The following CTNNA2 variants were observed in gnomAD, a reference collection of about 807,000 sequenced individuals.
CTNNA2 encodes the protein catenin alpha-2.
Under a neutral mutation model 101.0 loss-of-function variants are expected in CTNNA2, and 42 were observed. The ratio of observed to expected loss-of-function variants is 0.42; its 90% CI spans 0.32 to 0.54. The LOEUF (loss-of-function observed/expected upper bound fraction) is 0.54, where lower values mean the gene tolerates loss of function less well. Among genes scored for constraint, CTNNA2 ranks in the 20% least tolerant of loss-of-function variants. The pLI is 0.14. For synonymous variants in CTNNA2, 450 were observed against 456.4 expected, an observed-to-expected ratio of 0.99 and a Z score of 0.18; for missense variants, 871 against 1,223.1, an observed-to-expected ratio of 0.71 and a Z score of 4.29.
chr2:80,306,067 AT>A (rs1194878141), intron 7 of CTNNA2, among the ~76,000 whole-genome samples: 2 of 152,220 alleles, frequency 1.3e-5, no homozygotes, highest in African/African-American at 4.8e-5. Context: ...AGGCCAACCA[AT>A]GGAATCAAAG....
chr2:79,970,322 G>T (rs1306382435), intron 7 of CTNNA2, among the ~76,000 whole-genome samples: 3 of 152,158 alleles, frequency 2.0e-5, no homozygotes, highest in Admixed American at 6.5e-5. Context: ...GTATGAGGCT[G>T]CTTGAAACCT....
intron 2 of CTNNA2, among the ~76,000 whole-genome samples, chr2:79,280,663 AAGAGAGAGAGAGAGAGAGAGAAAGAG>A: frequency 2.0e-5 from 1 of 49,398 alleles, no homozygotes; most frequent in African/African-American, 9.0e-5. Flanking sequence ...GTGTAAGAGA[AAGAGAGAGAGAGAGAGAGAGAAAGAG>A]AGAGAGAGAG....
chr2:79,985,897 T>C (rs1165800270), intron 7 of CTNNA2, among the ~76,000 whole-genome samples: 1 of 152,162 alleles, frequency 6.6e-6, no homozygotes, highest in Non-Finnish European at 1.5e-5. Context: ...GTCTCCATCA[T>C]AAAGCAAATA....
chr2:79,830,603 A>G (rs1310018773), intron 3 of CTNNA2, among the ~76,000 whole-genome samples: 2 of 152,190 alleles, frequency 1.3e-5, no homozygotes, highest in Non-Finnish European at 2.9e-5. Context: ...TGCACTTGAC[A>G]TTGTGATCCA....
intron 6 of CTNNA2, among the ~76,000 whole-genome samples, chr2:79,876,170 C>G (rs1025470227): frequency 3.3e-5 from 5 of 151,994 alleles, no homozygotes; most frequent in African/African-American, 4.8e-5. Context: ...AATACAAATT[C>G]TAAGAGGATT....
intron 3 of CTNNA2, among the ~76,000 whole-genome samples, chr2:79,361,780 C>G (rs1274958557): frequency 2.6e-5 from 4 of 152,140 alleles, no homozygotes; most frequent in Non-Finnish European, 4.4e-5. Flanking sequence ...GGGCAGGAAG[C>G]ATCCAGCATG....
chr2:79,465,042 A>G (rs1670918716), intron 4 of CTNNA2, among the ~76,000 whole-genome samples: 1 of 152,058 alleles, frequency 6.6e-6, no homozygotes, highest in South Asian at 2.1e-4. Context: ...GGTGTTTTGG[A>G]CATGAAGTCC....
chr2:80,309,552 A>G (rs944024903), intron 7 of CTNNA2, among the ~76,000 whole-genome samples: 1 of 152,186 alleles, frequency 6.6e-6, no homozygotes, highest in African/African-American at 2.4e-5. Context: ...TAATCGGTAT[A>G]ACCCTATACA....
chr2:79,953,697 C>T (rs1016339285), intron 7 of CTNNA2, among the ~76,000 whole-genome samples: 5 of 152,126 alleles, frequency 3.3e-5, no homozygotes, highest in Non-Finnish European at 7.3e-5. Flanking sequence ...CTTAACCTCA[C>T]GTTCTTTATC....
chr2:79,747,876 A>G (rs923314533), intron 3 of CTNNA2, among the ~76,000 whole-genome samples: 2 of 152,292 alleles, frequency 1.3e-5, no homozygotes, highest in Admixed American at 1.3e-4. Flanking sequence ...TAAAACTCAA[A>G]TGCCACGTGC....
intron 7 of CTNNA2, among the ~76,000 whole-genome samples, chr2:80,344,179 G>T (rs866436682): frequency 6.6e-6 from 1 of 151,792 alleles, no homozygotes; most frequent in Non-Finnish European, 1.5e-5. Context: ...ATTGGCTTCC[G>T]GAACTCACAA....
chr2:79,654,938 AT>A (rs1166303160), intron 2 of CTNNA2, among the ~76,000 whole-genome samples: 2 of 152,194 alleles, frequency 1.3e-5, no homozygotes, highest in East Asian at 1.9e-4. Flanking sequence ...AACACTTGAA[AT>A]TTTTATAGGA....
intron 13 of CTNNA2, chr2:80,575,311 A>C (rs1694943133): frequency 6.6e-6 from 1 of 152,184 alleles, no homozygotes; most frequent in African/African-American, 2.4e-5. Flanking sequence ...GATGAAATTA[A>C]TTATAATTTT....
chr2:79,516,612 A>G (rs924419759), intron 1 of CTNNA2, among the ~76,000 whole-genome samples: 1 of 152,214 alleles, frequency 6.6e-6, no homozygotes, highest in Non-Finnish European at 1.5e-5. Flanking sequence ...GACAACTTCT[A>G]GTGTGGGATC....
intron 3 of CTNNA2, among the ~76,000 whole-genome samples, chr2:79,368,894 G>A (rs1039147765): frequency 2.6e-5 from 4 of 152,186 alleles, no homozygotes; most frequent in African/African-American, 9.6e-5. Context: ...GCAAAACTAG[G>A]TTTTGTTGTT....
At chr2:80,610,725 T>C (rs1174077719) in intron 17 of CTNNA2, among the ~76,000 whole-genome samples, 3 of 151,714 alleles carry the variant, frequency 2.0e-5, no homozygotes, top group South Asian at 2.1e-4. Flanking sequence ...GATGAACATA[T>C]GTTAAGCAAA....
At chr2:80,633,196 C>T (rs2149835472) in intron 18 of CTNNA2, among the ~76,000 whole-genome samples, 1 of 152,224 alleles carries the variant, frequency 6.6e-6, no homozygotes, top group South Asian at 2.1e-4. Flanking sequence ...CTGCATGACA[C>T]ATTAAAAGAT....
intron 4 of CTNNA2, among the ~76,000 whole-genome samples, chr2:79,860,429 C>T (rs1681502047): frequency 6.6e-6 from 1 of 152,104 alleles, no homozygotes; most frequent in Admixed American, 6.5e-5. Context: ...TTGCCTCCTG[C>T]AGTCCTGCCT....
intron 18 of CTNNA2, among the ~76,000 whole-genome samples, chr2:80,623,538 G>C (rs888320245): frequency 6.6e-6 from 1 of 151,956 alleles, no homozygotes; most frequent in Non-Finnish European, 1.5e-5. Context: ...TAAAAGATGT[G>C]AGGTTGGTGT....
Sources: gnomAD v4.1 joint callset for allele counts (sites outside exome capture counted in the v4.1 genomes callset) on GRCh38, gnomAD v4.1.1 for gene constraint, MANE v1.5 for transcripts, NCBI Gene and HGNC (gene_info 2026-07-23, HGNC 2026-07-21) for gene names.